The following DEPTOR variants were observed in gnomAD, a reference collection of about 807,000 sequenced individuals.
DEPTOR encodes DEP domain containing MTOR interacting protein.
In DEPTOR, 41 loss-of-function variants were observed where a neutral mutation model predicts 41.6. The observed-to-expected ratio is 0.98, with a 90% CI of 0.77 to 1.28. The LOEUF (loss-of-function observed/expected upper bound fraction) is 1.28, where lower values mean the gene tolerates loss of function less well. Among genes scored for constraint, DEPTOR ranks in the 50% most tolerant of loss-of-function variants. The pLI, the probability that DEPTOR is intolerant of heterozygous loss-of-function variation, is 0.00. For missense variants in DEPTOR, 514 were observed against 527.9 expected (o/e 0.97, Z 0.26); for synonymous variants, 195 against 192.3 (o/e 1.01, Z -0.12).
chr8:119,924,563 C>T (rs1168991934), intron 1 of DEPTOR, among the ~76,000 whole-genome samples: 1 of 152,096 alleles, frequency 6.6e-6, no homozygotes, highest in Non-Finnish European at 1.5e-5. Context: ...TTTATGTTTT[C>T]ATCTTTTCCC....
chr8:119,976,008 T>C (rs1828692660), intron 4 of DEPTOR, among the ~76,000 whole-genome samples: 1 of 150,630 alleles, frequency 6.6e-6, no homozygotes, highest in Non-Finnish European at 1.5e-5. Context: ...ATTACAGGTG[T>C]GTGCCACCAC....
intron 1 of DEPTOR, among the ~76,000 whole-genome samples, chr8:119,920,791 C>G (rs7818752): frequency 0.22 from 33,337 of 151,856 alleles, 4,219 homozygotes; most frequent in African/African-American, 0.34. Flanking sequence ...GGTTATTATA[C>G]GAGTGCACAT....
chr8:119,888,999 A>T (rs1282672920), intron 1 of DEPTOR, among the ~76,000 whole-genome samples: 1 of 152,154 alleles, frequency 6.6e-6, no homozygotes, highest in African/African-American at 2.4e-5. Flanking sequence ...GCAAAAGCAC[A>T]TATTATGGAA....
intron 1 of DEPTOR, among the ~76,000 whole-genome samples, chr8:119,886,011 T>C (rs1487995231): frequency 3.3e-5 from 5 of 152,236 alleles, no homozygotes; most frequent in Non-Finnish European, 5.9e-5. Flanking sequence ...ATATGCCATT[T>C]GATGAATATT....
intron 8 of DEPTOR, among the ~76,000 whole-genome samples, chr8:120,044,806 T>G (rs1045194075): frequency 5.3e-5 from 8 of 152,146 alleles, no homozygotes; most frequent in African/African-American, 1.7e-4. Flanking sequence ...TATGACTGAA[T>G]TGATTGAGAG....
chr8:119,916,394 T>TA (rs1827816253), intron 1 of DEPTOR, among the ~76,000 whole-genome samples: 1 of 151,378 alleles, frequency 6.6e-6, no homozygotes, highest in East Asian at 1.9e-4. Flanking sequence ...ATGCTGGGAT[T>TA]ACAGGCACGA....
At chr8:119,897,571 A>G (rs1326331743) in intron 1 of DEPTOR, among the ~76,000 whole-genome samples, 1 of 152,184 alleles carries the variant, frequency 6.6e-6, no homozygotes, top group Non-Finnish European at 1.5e-5. Flanking sequence ...ATATTGTAGT[A>G]TAAGAGCTTT....
intron 1 of DEPTOR, among the ~76,000 whole-genome samples, chr8:119,902,782 A>G (rs1827611381): frequency 6.6e-6 from 1 of 152,202 alleles, no homozygotes; most frequent in Non-Finnish European, 1.5e-5. Flanking sequence ...CTTAAGTTGG[A>G]TGAGGAATTA....
In DEPTOR at chr8:119,965,351, C is replaced by T. The variant is rs144134193; in HGVS notation, c.545C>T (p.Thr182Met). The T allele has an allele frequency of 8.7e-6, 14 of 1,613,958 alleles. No homozygotes were observed. Among genetic ancestry groups the T allele is most frequent in the South Asian group, 5.5e-5 (5 of 91,076 alleles). Residue 182 changes from threonine (T) to methionine (M), a missense_variant, in exon 4 of 9, where the codon ACG (threonine) becomes ATG (methionine). Coordinates refer to ENST00000286234, the MANE Select transcript of DEPTOR (RefSeq NM_022783.4). Reference protein sequence around the residue: ...DWLVQEGEATTRKEAEQLCHR... With the variant: ...DWLVQEGEATMRKEAEQLCHR... ...CTGGTTCAGGAAGGTGAGGCCACCA[C>T]GAGGAAAGAGGCAGAGCAGCTTTGC...
Position 120,030,497 on chromosome 8 carries a change from GTTTTTTTTTTTTTT to G in DEPTOR, c.1102-19064_1102-19051del, listed in dbSNP as rs1171655489. Among the ~76,000 whole-genome samples, 29 of 46,216 alleles carry G rather than the reference GTTTTTTTTTTTTTT, an allele frequency of 6.3e-4. 2 individuals are homozygous for G. The South Asian group carries it at 0.015, about 23-fold the overall frequency. 30.3% of individuals were successfully genotyped at this position (46,216 alleles called of 152,430 possible). On this transcript the variant is annotated intron_variant, in intron 8 of 8. Coordinates refer to ENST00000286234, the MANE Select transcript of DEPTOR (RefSeq NM_022783.4). ...AATGATGTATTGTGTAGGTTCATCA[GTTTTTTTTTTTTTT>G]TTTTTTTTTTTTTTAGCTGGAGTCT...
At chr8:120,003,242 C>A in intron 6 of DEPTOR, 131 bp downstream of exon 6, 1 of 1,449,542 alleles carries the variant, frequency 6.9e-7, no homozygotes, top group South Asian at 1.4e-5. Flanking sequence ...TTGGGGTCCA[C>A]ACGTGTTGAA....
intron 4 of DEPTOR, among the ~76,000 whole-genome samples, chr8:119,977,297 A>G (rs1828709014): frequency 2.0e-5 from 3 of 152,054 alleles, no homozygotes; most frequent in Admixed American, 6.6e-5. Context: ...GCCACTGCAC[A>G]TGACCATGTC....
chr8:119,970,239 A>T (rs1329506320), intron 4 of DEPTOR, among the ~76,000 whole-genome samples: 1 of 152,180 alleles, frequency 6.6e-6, no homozygotes, highest in Non-Finnish European at 1.5e-5. Flanking sequence ...TACTTTATAG[A>T]TCTTAATATA....
chr8:119,935,190 A>G (rs372162159), intron 3 of DEPTOR, among the ~76,000 whole-genome samples: 2 of 152,326 alleles, frequency 1.3e-5, no homozygotes, highest in East Asian at 3.9e-4. Context: ...AGGGGCTTAC[A>G]GCTCTCCACT....
chr8:120,038,736 A>AG (rs1265913815), intron 8 of DEPTOR, among the ~76,000 whole-genome samples: 3 of 152,308 alleles, frequency 2.0e-5, no homozygotes, highest in East Asian at 3.9e-4. Context: ...TCCACTGCTC[A>AG]GGGGGCAGAG....
intron 1 of DEPTOR, among the ~76,000 whole-genome samples, chr8:119,915,538 T>G (rs1383383284): frequency 6.6e-6 from 1 of 152,172 alleles, no homozygotes; most frequent in Admixed American, 6.6e-5. Flanking sequence ...CAACTTCTGT[T>G]TCCACAGTGG....
chr8:119,886,529 A>G (rs1464423179), intron 1 of DEPTOR, among the ~76,000 whole-genome samples: 1 of 152,066 alleles, frequency 6.6e-6, no homozygotes, highest in Non-Finnish European at 1.5e-5. Flanking sequence ...ACACACAGAT[A>G]CATACATACA....
At chr8:119,952,144 A>G (rs1265969686) in intron 3 of DEPTOR, among the ~76,000 whole-genome samples, 1 of 152,144 alleles carries the variant, frequency 6.6e-6, no homozygotes, top group East Asian at 1.9e-4. Context: ...TCAAAAAAAA[A>G]GAGGAAGTCA....
intron 1 of DEPTOR, among the ~76,000 whole-genome samples, chr8:119,922,533 T>A (rs1407595165): frequency 6.6e-6 from 1 of 152,178 alleles, no homozygotes; most frequent in African/African-American, 2.4e-5. Flanking sequence ...ATGGGATGAC[T>A]TTAGCACACC....
Sources: gnomAD v4.1 joint callset for allele counts (sites outside exome capture counted in the v4.1 genomes callset) on GRCh38, gnomAD v4.1.1 for gene constraint, MANE v1.5 for transcripts, NCBI Gene and HGNC (gene_info 2026-07-23, HGNC 2026-07-21) for gene names.